FAM107A: variants seen among roughly 807,000 people sequenced by gnomAD.
FAM107A encodes actin-associated protein FAM107A.
A neutral mutation model predicts 13.7 loss-of-function variants in FAM107A; 19 were observed. The observed-to-expected ratio is 1.38, with a 90% CI of 0.97 to 2.03. FAM107A has a LOEUF of 2.03. FAM107A is among the 30% of genes most tolerant of loss of function. The pLI is 0.00. For missense variants in FAM107A, 203 were observed against 184.4 expected, an observed-to-expected ratio of 1.10 and a Z score of -0.58; for synonymous variants, 82 against 74.5, an observed-to-expected ratio of 1.10 and a Z score of -0.52.
intron 2 of FAM107A, among the ~76,000 whole-genome samples, chr3:58,568,543 T>G (rs1330528153): frequency 6.6e-6 from 1 of 152,238 alleles, no homozygotes; most frequent in Non-Finnish European, 1.5e-5. Context: ...TTCTCTGATT[T>G]GTCTTTAAGC....
intron 1 of FAM107A, among the ~76,000 whole-genome samples, chr3:58,586,624 G>A (rs1246897922): frequency 6.6e-6 from 1 of 152,180 alleles, no homozygotes; most frequent in Non-Finnish European, 1.5e-5. Flanking sequence ...CTTGAGCCCA[G>A]GAGTTGGAAG....
intron 1 of FAM107A, among the ~76,000 whole-genome samples, chr3:58,601,282 A>G (rs2065750679): frequency 6.9e-6 from 1 of 144,620 alleles, no homozygotes; most frequent in Non-Finnish European, 1.5e-5. Context: ...TCCTCCTCCC[A>G]GAAAAAACTG....
intron 1 of FAM107A, among the ~76,000 whole-genome samples, chr3:58,618,782 G>T (rs564057368): frequency 1.3e-5 from 2 of 152,200 alleles, no homozygotes; most frequent in Non-Finnish European, 2.9e-5. Context: ...TGGGCACCTG[G>T]AGGGTGGTGT....
At chr3:58,598,321 G>C (rs1575450634) in intron 1 of FAM107A, among the ~76,000 whole-genome samples, 1 of 152,298 alleles carries the variant, frequency 6.6e-6, no homozygotes, top group East Asian at 1.9e-4. Context: ...ACATCACATG[G>C]GTGTTGAGTT....
chr3:58,619,613 T>A (rs978877201), intron 1 of FAM107A, among the ~76,000 whole-genome samples: 1 of 152,212 alleles, frequency 6.6e-6, no homozygotes, highest in African/African-American at 2.4e-5. Context: ...CCCCCTTCAG[T>A]GCCCCAGGTC....
intron 3 of FAM107A, 113 bp from the exon 4 acceptor site, chr3:58,566,808 G>A (rs1342533996): frequency 1.3e-5 from 10 of 786,548 alleles, no homozygotes; most frequent in Admixed American, 2.1e-5. Flanking sequence ...GAACCAACCT[G>A]GGGATGAGTT....
upstream of FAM107A, among the ~76,000 whole-genome samples, chr3:58,590,303 C>T (rs189709912): frequency 2.0e-5 from 3 of 152,308 alleles, no homozygotes; most frequent in Non-Finnish European, 2.9e-5. Context: ...TGGGAGTCTT[C>T]CTTGCCCTGT....
intron 1 of FAM107A, among the ~76,000 whole-genome samples, chr3:58,584,855 C>T (rs866378965): frequency 1.3e-5 from 2 of 152,274 alleles, no homozygotes; most frequent in Admixed American, 6.5e-5. Context: ...AATTCCGTAA[C>T]GGGGCTCTTG....
intron 1 of FAM107A, among the ~76,000 whole-genome samples, chr3:58,593,391 A>G (rs534663589): frequency 6.6e-6 from 1 of 152,166 alleles, no homozygotes; most frequent in African/African-American, 2.4e-5. Flanking sequence ...TCATACTCCT[A>G]TTCACCATTC....
chr3:58,580,243 A>G (rs1575444644), upstream of FAM107A, among the ~76,000 whole-genome samples: 1 of 152,242 alleles, frequency 6.6e-6, no homozygotes, highest in East Asian at 1.9e-4. Flanking sequence ...AAGATAAAAA[A>G]GTTGGTATAT....
intron 1 of FAM107A, among the ~76,000 whole-genome samples, chr3:58,611,489 G>A (rs1177696235): frequency 2.0e-5 from 3 of 152,204 alleles, no homozygotes; most frequent in South Asian, 2.1e-4. Context: ...TTGATGTTCC[G>A]CATCATCTGT....
intron 1 of FAM107A, among the ~76,000 whole-genome samples, chr3:58,599,370 G>A (rs897165516): frequency 6.6e-6 from 1 of 152,208 alleles, no homozygotes; most frequent in African/African-American, 2.4e-5. Context: ...GGAAGTACAT[G>A]TATTTAAGTT....
intron 1 of FAM107A, among the ~76,000 whole-genome samples, chr3:58,606,442 A>C (rs914757461): frequency 4.6e-5 from 7 of 152,204 alleles, no homozygotes; most frequent in African/African-American, 1.7e-4. Context: ...TTCCTAGAAC[A>C]CTTTCGCTGT....
chr3:58,582,705 T>A (rs982944367), upstream of FAM107A, among the ~76,000 whole-genome samples: 5 of 152,328 alleles, frequency 3.3e-5, no homozygotes, highest in African/African-American at 1.2e-4. Context: ...AAAGGAGATA[T>A]GTTCTGGAGA....
intron 1 of FAM107A, among the ~76,000 whole-genome samples, chr3:58,599,735 T>TTTTTTTTTTTA (rs2065738186): frequency 8.6e-6 from 1 of 115,754 alleles, no homozygotes; most frequent in Non-Finnish European, 1.7e-5. Flanking sequence ...TTTTTTTTTT[T>TTTTTTTTTTTA]GAGACGGGAT....
At chr3:58,619,498 C>G (rs1313527933) in intron 1 of FAM107A, among the ~76,000 whole-genome samples, 2 of 152,212 alleles carry the variant, frequency 1.3e-5, no homozygotes, top group African/African-American at 4.8e-5. Flanking sequence ...GCCGCAGCCT[C>G]TCATACCTCC....
rs373985182 is a variant in FAM107A, at chr3:58,597,260, G to C, written c.-69-7991C>G. On this transcript the variant is annotated intron_variant, in intron 1 of 3. Transcript: ENST00000465970. ...ATAAGTAGGTGAATGTTTAGCTATA[G>C]TGGATACTGCCAACAATGATTGTGT... Among the ~76,000 whole-genome samples, 8 of 152,330 alleles carry C rather than the reference G, an allele frequency of 5.3e-5. 1 individual carries two copies. The South Asian group carries it at 1.7e-3, about 32-fold the overall frequency.
chr3:58,601,855 G>A (rs1392467997), intron 1 of FAM107A, among the ~76,000 whole-genome samples: 1 of 152,182 alleles, frequency 6.6e-6, no homozygotes, highest in Non-Finnish European at 1.5e-5. Flanking sequence ...TGGAATTTTG[G>A]CAAAAACTGA....
intron 1 of FAM107A, among the ~76,000 whole-genome samples, chr3:58,576,798 C>T (rs13088795): frequency 0.14 from 20,898 of 152,244 alleles, 1,584 homozygotes; most frequent in Non-Finnish European, 0.15. Context: ...GAAATTCTTA[C>T]GACAGACTGA....
Sources: allele counts gnomAD v4.1 joint callset (sites outside exome capture counted in the v4.1 genomes callset), GRCh38; gene constraint gnomAD v4.1.1; transcripts MANE v1.5; gene names NCBI Gene and HGNC (gene_info 2026-07-23, HGNC 2026-07-21).